GABRB3: variants seen among roughly 807,000 people sequenced by gnomAD.
GABRB3 encodes the protein gamma-aminobutyric acid type A receptor subunit beta3.
In GABRB3, 14 loss-of-function variants were observed where a neutral mutation model predicts 52.1. That is an observed-to-expected ratio of 0.27 (90% CI 0.18 to 0.42). GABRB3 has a LOEUF of 0.42. Among genes scored for constraint, GABRB3 ranks in the 10% least tolerant of loss-of-function variants. The pLI is 1.00. For missense variants in GABRB3, 307 were observed against 609.1 expected, an observed-to-expected ratio of 0.50 and a Z score of 5.22; for synonymous variants, 260 against 232.3, an observed-to-expected ratio of 1.12 and a Z score of -1.08.
chr15:26,601,249 C>T (rs577431948), intron 4 of GABRB3, among the ~76,000 whole-genome samples: 4 of 152,108 alleles, frequency 2.6e-5, no homozygotes, highest in South Asian at 2.1e-4. Flanking sequence ...TGGCAAAACC[C>T]GGTCCCCACT....
chr15:26,586,139 C>T (rs1016753226), intron 4 of GABRB3, among the ~76,000 whole-genome samples: 3 of 151,944 alleles, frequency 2.0e-5, no homozygotes, highest in Non-Finnish European at 4.4e-5. Flanking sequence ...GATGGGACTA[C>T]AGGCGCCTGC....
At chr15:26,740,262 A>G (rs1890166999) in intron 3 of GABRB3, among the ~76,000 whole-genome samples, 1 of 152,124 alleles carries the variant, frequency 6.6e-6, no homozygotes, top group African/African-American at 2.4e-5. Flanking sequence ...CAATGAGCCA[A>G]CACTCAGGAT....
At chr15:26,598,064 C>T (rs530405351) in intron 4 of GABRB3, among the ~76,000 whole-genome samples, 1 of 152,242 alleles carries the variant, frequency 6.6e-6, no homozygotes, top group Admixed American at 6.5e-5. Context: ...ACCTGTGTAA[C>T]ATAAAGATAG....
intron 4 of GABRB3, among the ~76,000 whole-genome samples, chr15:26,594,998 C>A (rs1410527999): frequency 6.6e-6 from 1 of 152,198 alleles, no homozygotes; most frequent in Non-Finnish European, 1.5e-5. Context: ...TAGGACTTTT[C>A]TGAGCATACT....
intron 3 of GABRB3, among the ~76,000 whole-genome samples, chr15:26,747,575 G>C (rs1395854008): frequency 6.6e-6 from 1 of 152,188 alleles, no homozygotes; most frequent in Non-Finnish European, 1.5e-5. Context: ...CCTGTATCCA[G>C]TAATCTTGTT....
chr15:26,589,068 A>G (rs1181670127), intron 4 of GABRB3, among the ~76,000 whole-genome samples: 1 of 152,350 alleles, frequency 6.6e-6, no homozygotes, highest in South Asian at 2.1e-4. Context: ...GCCTGAGTCA[A>G]GGATGTCAAG....
intron 3 of GABRB3, among the ~76,000 whole-genome samples, chr15:26,765,125 G>C (rs1305407821): frequency 1.3e-4 from 2 of 15,038 alleles, no homozygotes; most frequent in Non-Finnish European, 2.2e-4. Context: ...GCGAGACTCC[G>C]ACTCAAAAAA....
chr15:26,769,921 A>T (rs533423710), intron 3 of GABRB3, among the ~76,000 whole-genome samples: 1 of 152,244 alleles, frequency 6.6e-6, no homozygotes, highest in African/African-American at 2.4e-5. Context: ...AACTTACCAC[A>T]CTTAGTTTTG....
chr15:26,761,329 A>C (rs939290072), intron 3 of GABRB3, among the ~76,000 whole-genome samples: 20 of 151,720 alleles, frequency 1.3e-4, no homozygotes, highest in African/African-American at 3.6e-4. Context: ...CGGGAGTCTG[A>C]GGTTGCAGTG....
rs1209124720 is a variant in GABRB3, at chr15:26,547,895, A to G, written c.1320T>C (p.Pro440=). The G allele has an allele frequency of 1.9e-6, 3 of 1,614,094 alleles. No individual in the cohort carries two copies. The African/African-American group carries it at 4.0e-5, about 22-fold the overall frequency. ...CTATGGCATTCACATCGGTTAGATC[A>G]GGTATTTTAATTTTGAGCTGTGAAG... The part of the protein sequence containing the change: ...RRSSQLKIKI[P]DLTDVNAIDR... Residue 440 remains proline (P), a synonymous_variant, in exon 9 of 9, where the codon CCT becomes CCC. Coordinates refer to ENST00000311550, the MANE Select transcript of GABRB3 (RefSeq NM_000814.6).
At chr15:26,575,265 G>A (rs1463976240) in intron 6 of GABRB3, among the ~76,000 whole-genome samples, 2 of 152,192 alleles carry the variant, frequency 1.3e-5, no homozygotes, top group Non-Finnish European at 2.9e-5. Flanking sequence ...TGATGTCACA[G>A]CAAAAAGAGA....
At chr15:26,771,229 C>T (rs1346957036) in intron 3 of GABRB3, among the ~76,000 whole-genome samples, 1 of 152,092 alleles carries the variant, frequency 6.6e-6, no homozygotes, top group Admixed American at 6.6e-5. Flanking sequence ...CAAAGTTTCT[C>T]AAAATATTGT....
chr15:26,687,770 T>G (rs1888453840), intron 3 of GABRB3, among the ~76,000 whole-genome samples: 1 of 152,224 alleles, frequency 6.6e-6, no homozygotes, highest in Non-Finnish European at 1.5e-5. Flanking sequence ...AGCTGTTAAT[T>G]ACACCTGCTG....
chr15:26,577,254 T>G (rs944480354), intron 6 of GABRB3, among the ~76,000 whole-genome samples: 1 of 152,168 alleles, frequency 6.6e-6, no homozygotes, highest in Non-Finnish European at 1.5e-5. Flanking sequence ...GACTCACAAC[T>G]GCAATCCCAG....
At chr15:26,642,710 ATTT>A (rs1893237051) in intron 3 of GABRB3, among the ~76,000 whole-genome samples, 1 of 151,202 alleles carries the variant, frequency 6.6e-6, no homozygotes, top group Non-Finnish European at 1.5e-5. Context: ...CTGATACACA[ATTT>A]TTAAATATTG....
intron 7 of GABRB3, among the ~76,000 whole-genome samples, chr15:26,566,201 G>C (rs531267847): frequency 2.6e-5 from 4 of 152,120 alleles, no homozygotes; most frequent in African/African-American, 9.6e-5. Flanking sequence ...AGCACTTTCA[G>C]TTTTTTGCAG....
At chr15:26,772,559 C>A (rs1891179468) in intron 2 of GABRB3, 90 bp from the exon 3 acceptor site, 2 of 1,466,024 alleles carry the variant, frequency 1.4e-6, no homozygotes, top group South Asian at 1.2e-5. Flanking sequence ...AGGAGGGGCG[C>A]GGGCGAAGGG....
intron 4 of GABRB3, among the ~76,000 whole-genome samples, chr15:26,597,541 T>C (rs140168712): frequency 7.8e-4 from 119 of 152,278 alleles, no homozygotes; most frequent in African/African-American, 2.7e-3. Context: ...ATGAGCTACA[T>C]GGATGAAATG....
intron 3 of GABRB3, among the ~76,000 whole-genome samples, chr15:26,726,954 T>C (rs1889789989): frequency 1.3e-5 from 2 of 152,002 alleles, no homozygotes; most frequent in Non-Finnish European, 2.9e-5. Flanking sequence ...AGGTCAGGAG[T>C]TCGAGACCAG....
Sources: allele counts gnomAD v4.1 joint callset (sites outside exome capture counted in the v4.1 genomes callset), GRCh38; gene constraint gnomAD v4.1.1; transcripts MANE v1.5; gene names NCBI Gene and HGNC (gene_info 2026-07-23, HGNC 2026-07-21).